The following MME variants were observed in gnomAD, a reference collection of about 807,000 sequenced individuals.
MME encodes neprilysin.
In MME, 98 loss-of-function variants were observed where a neutral mutation model predicts 113.2. That is an observed-to-expected ratio of 0.87 (90% CI 0.74 to 1.02). The LOEUF (loss-of-function observed/expected upper bound fraction) is 1.02. MME is among the 50% of genes least tolerant of loss of function. The pLI, the probability that MME is intolerant of heterozygous loss-of-function variation, is 0.00. For missense variants in MME, 836 were observed against 896.0 expected, an observed-to-expected ratio of 0.93 and a Z score of 0.86; for synonymous variants, 292 against 300.6, an observed-to-expected ratio of 0.97 and a Z score of 0.30.
At chr3:155,080,312 C>T (rs1190840755), upstream of MME, 1 of 152,412 alleles carries the variant, frequency 6.6e-6, no homozygotes, top group African/African-American at 2.4e-5. Context: ...TCTTCAGGTT[C>T]ATTTCCATAG....
intron 1 of MME, among the ~76,000 whole-genome samples, chr3:155,025,919 T>C (rs1383236919): frequency 6.6e-6 from 1 of 151,756 alleles, no homozygotes; most frequent in African/African-American, 2.4e-5. Context: ...GGTCTTGAAC[T>C]CCTGACCTCA....
chr3:155,051,752 T>C (rs987578227), intron 1 of MME, among the ~76,000 whole-genome samples: 1 of 152,108 alleles, frequency 6.6e-6, no homozygotes, highest in African/African-American at 2.4e-5. Context: ...ACCATATCAT[T>C]CCGTCTCTGA....
chr3:155,093,824 C>T (rs1716497132), intron 3 of MME, among the ~76,000 whole-genome samples: 1 of 149,490 alleles, frequency 6.7e-6, no homozygotes, highest in African/African-American at 2.5e-5. Context: ...CCACTGCACT[C>T]CAGCCTGGGC....
intron 19 of MME, 38 bp downstream of exon 19, chr3:155,168,663 G>A (rs779722634): frequency 6.2e-6 from 10 of 1,613,234 alleles, no homozygotes; most frequent in Middle Eastern, 3.3e-4. Flanking sequence ...TTTTAGACAT[G>A]TTCAATCTTA....
At chr3:155,157,372 G>A (rs1339721945) in intron 16 of MME, among the ~76,000 whole-genome samples, 1 of 151,918 alleles carries the variant, frequency 6.6e-6, no homozygotes, top group Non-Finnish European at 1.5e-5. Flanking sequence ...GTTAGTGTTT[G>A]GCCTCCACAC....
In MME at chr3:155,137,013, G is replaced by C. The variant is rs73875819; in HGVS notation, c.721-1089G>C. ...AGCAATTGGTTCAAACCTAACAAAA[G>C]TGGGACTCCATTTCCTAGTGTTCTT... On this transcript the variant is annotated intron_variant, in intron 8 of 22. Transcript: ENST00000360490. 7.5e-3 allele frequency among the ~76,000 whole-genome samples: 1,143 copies of C among 152,262 alleles called. 16 individuals carry two copies. Among genetic ancestry groups the C allele is most frequent in the African/African-American group, 0.026 (1,071 of 41,558 alleles).
intron 3 of MME, among the ~76,000 whole-genome samples, chr3:155,091,312 A>G (rs1716278326): frequency 6.6e-6 from 1 of 152,238 alleles, no homozygotes; most frequent in Non-Finnish European, 1.5e-5. Flanking sequence ...CAGTTATATC[A>G]TAAATACACA....
At chr3:155,095,997 A>C (rs1477958597) in intron 3 of MME, among the ~76,000 whole-genome samples, 1 of 152,142 alleles carries the variant, frequency 6.6e-6, no homozygotes, top group Non-Finnish European at 1.5e-5. Flanking sequence ...TTGCCCAACC[A>C]GTGGGAGCAG....
chr3:155,028,219 G>A (rs1712851358), intron 1 of MME, among the ~76,000 whole-genome samples: 1 of 152,100 alleles, frequency 6.6e-6, no homozygotes, highest in South Asian at 2.1e-4. Context: ...AGAGAAACAA[G>A]TAAACAGACA....
upstream of MME, among the ~76,000 whole-genome samples, chr3:155,078,260 A>G (rs1247374643): frequency 1.3e-5 from 2 of 152,178 alleles, no homozygotes; most frequent in Non-Finnish European, 1.5e-5. Context: ...CCAGGGCGCT[A>G]GTCAAGCCCC....
intron 10 of MME, 71 bp downstream of exon 10, chr3:155,140,363 A>C (rs533596720): frequency 1.0e-6 from 1 of 955,510 alleles, no homozygotes; most frequent in East Asian, 2.6e-5. Flanking sequence ...TACTCTTTCT[A>C]AAATTCGTCA....
intron 20 of MME, among the ~76,000 whole-genome samples, chr3:155,170,055 C>CT (rs923084581): frequency 6.6e-5 from 10 of 151,954 alleles, no homozygotes; most frequent in African/African-American, 9.6e-5. Context: ...CATTTTACCT[C>CT]TTTTTTTTGA....
At chr3:155,027,150 C>T (rs1712812889) in intron 1 of MME, among the ~76,000 whole-genome samples, 1 of 152,148 alleles carries the variant, frequency 6.6e-6, no homozygotes, top group East Asian at 1.9e-4. Flanking sequence ...TGCTACCCTG[C>T]TAAATTTTTC....
chr3:155,036,535 T>C (rs560865443), intron 1 of MME, among the ~76,000 whole-genome samples: 17 of 152,270 alleles, frequency 1.1e-4, no homozygotes, highest in African/African-American at 4.1e-4. Flanking sequence ...AGTATGTAAT[T>C]CTTTGGGTTG....
upstream of MME, among the ~76,000 whole-genome samples, chr3:155,076,629 G>A (rs113129877): frequency 0.049 from 7,473 of 152,228 alleles, 346 homozygotes; most frequent in African/African-American, 0.11. Context: ...GAAAGTAAAG[G>A]AATAAAGAAT....
At chr3:155,071,182 G>A (rs980564373) in intron 1 of MME, among the ~76,000 whole-genome samples, 1 of 152,128 alleles carries the variant, frequency 6.6e-6, no homozygotes, top group African/African-American at 2.4e-5. Flanking sequence ...TCTGCGTATT[G>A]CCAGTAAAGG....
intron 22 of MME, among the ~76,000 whole-genome samples, chr3:155,176,589 G>T (rs908874734): frequency 1.3e-5 from 2 of 152,108 alleles, no homozygotes; most frequent in Non-Finnish European, 2.9e-5. Flanking sequence ...ACTTTGGGAG[G>T]CCAAGGAGGG....
intron 22 of MME, among the ~76,000 whole-genome samples, chr3:155,177,136 T>C (rs1361736487): frequency 1.3e-5 from 2 of 152,194 alleles, no homozygotes; most frequent in East Asian, 1.9e-4. Flanking sequence ...AAGAAAAATA[T>C]AGAATTAAGT....
At chr3:155,074,937 A>G (rs979743698), upstream of MME, among the ~76,000 whole-genome samples, 1 of 152,052 alleles carries the variant, frequency 6.6e-6, no homozygotes, top group African/African-American at 2.4e-5. Context: ...ACAGTCTCCA[A>G]TTCTTGGGTG....
Sources: allele counts gnomAD v4.1 joint callset (sites outside exome capture counted in the v4.1 genomes callset), GRCh38; gene constraint gnomAD v4.1.1; transcripts MANE v1.5; gene names NCBI Gene and HGNC (gene_info 2026-07-23, HGNC 2026-07-21).